LARP4B: variants seen among roughly 807,000 people sequenced by gnomAD.
The protein encoded by LARP4B is la-related protein 4B.
LARP4B carries 12 observed loss-of-function variants against 89.8 expected under a neutral mutation model. The observed-to-expected ratio is 0.13, with a 90% CI of 0.09 to 0.22. The LOEUF (loss-of-function observed/expected upper bound fraction) is 0.22. Among genes scored for constraint, LARP4B ranks in the 10% least tolerant of loss-of-function variants. LARP4B has a pLI of 1.00. For missense variants in LARP4B, 757 were observed against 947.7 expected (o/e 0.80, Z 2.64); for synonymous variants, 367 against 363.3 (o/e 1.01, Z -0.12).
At chr10:912,296 G>GAGAAA (rs1836687826) in intron 1 of LARP4B, among the ~76,000 whole-genome samples, 1 of 147,766 alleles carries the variant, frequency 6.8e-6, no homozygotes, top group African/African-American at 2.5e-5. Context: ...AAAAGAGAGA[G>GAGAAA]AGAAAAGAAA....
chr10:863,430 CGT>C (rs1342127746), intron 5 of LARP4B, among the ~76,000 whole-genome samples: 2 of 151,876 alleles, frequency 1.3e-5, no homozygotes, highest in African/African-American at 4.8e-5. Flanking sequence ...GGGGTTTTAC[CGT>C]GTTAGCCAGG....
At chr10:969,685 C>T in the LARP4B span, among the ~76,000 whole-genome samples, 199 of 151,986 alleles carry the variant, frequency 1.3e-3, no homozygotes, top group African/African-American at 4.6e-3. Context: ...GCCAAGATTG[C>T]GTCATTGCAC....
chr10:861,244 T>C (rs1834601527), intron 5 of LARP4B, among the ~76,000 whole-genome samples: 1 of 152,100 alleles, frequency 6.6e-6, no homozygotes, highest in Non-Finnish European at 1.5e-5. Context: ...GTGATCTTGA[T>C]TGTGCTGAGG....
the LARP4B span, among the ~76,000 whole-genome samples, chr10:960,439 G>A: frequency 3.1e-3 from 470 of 152,182 alleles, 4 homozygotes; most frequent in African/African-American, 0.01. Context: ...GGGTATGGTG[G>A]CTCACTCCTG....
At chr10:921,295 G>A (rs1836971188) in intron 1 of LARP4B, among the ~76,000 whole-genome samples, 1 of 151,670 alleles carries the variant, frequency 6.6e-6, no homozygotes, top group South Asian at 2.1e-4. Context: ...GAAAAAGAAA[G>A]AAAGAAAACT....
intron 1 of LARP4B, among the ~76,000 whole-genome samples, chr10:919,983 AC>A (rs1246329539): frequency 6.6e-6 from 1 of 152,232 alleles, no homozygotes; most frequent in Non-Finnish European, 1.5e-5. Context: ...ATGACAAAAC[AC>A]TTAATTTTCC....
At chr10:948,002 G>A in the LARP4B span, among the ~76,000 whole-genome samples, 1 of 152,026 alleles carries the variant, frequency 6.6e-6, no homozygotes, top group African/African-American at 2.4e-5. Flanking sequence ...CAGTGTGATA[G>A]TGGACCTGAG....
chr10:963,571 T>C, the LARP4B span, among the ~76,000 whole-genome samples: 1 of 152,240 alleles, frequency 6.6e-6, no homozygotes, highest in Non-Finnish European at 1.5e-5. Context: ...GAATGGGTTA[T>C]GGTCCCCATC....
chr10:964,813 C>G, the LARP4B span, among the ~76,000 whole-genome samples: 1 of 152,168 alleles, frequency 6.6e-6, no homozygotes, highest in Non-Finnish European at 1.5e-5. Context: ...GGGACCTCAC[C>G]AGCTGTGTGT....
At chr10:829,283 G>C in intron 11 of LARP4B, 102 bp downstream of exon 11, 4 of 966,756 alleles carry the variant, frequency 4.1e-6, no homozygotes, top group Non-Finnish European at 6.1e-6. Context: ...TAGTATGTCA[G>C]ACTGCACACA....
At chr10:918,632 CAAAAAAAAAA>C (rs57396015) in intron 1 of LARP4B, among the ~76,000 whole-genome samples, 1 of 48,370 alleles carries the variant, frequency 2.1e-5, no homozygotes, top group South Asian at 8.0e-4. Context: ...GACCCTGTCT[CAAAAAAAAAA>C]AAAAAAAAAA....
chr10:974,053 T>C, the LARP4B span, among the ~76,000 whole-genome samples: 151,420 of 152,280 alleles, frequency 0.99, 75,291 homozygotes, highest in Middle Eastern at 1. Context: ...AACAGCTCCC[T>C]GTGTCCCAAA....
chr10:873,025 T>C (rs1398818499), intron 3 of LARP4B: 54 of 985,260 alleles, frequency 5.5e-5, no homozygotes, highest in Non-Finnish European at 6.5e-5. Context: ...TATCAAATAA[T>C]GAAGACAAAG....
chr10:962,881 C>T, the LARP4B span, among the ~76,000 whole-genome samples: 1 of 152,110 alleles, frequency 6.6e-6, no homozygotes, highest in Admixed American at 6.6e-5. Flanking sequence ...CACCGGAACT[C>T]ACTCCAGAGG....
chr10:837,963 TAGAG>T lies in LARP4B; in HGVS notation c.647-1461_647-1458del, dbSNP rs543795154. ...ACAAAAAAAAAAACAGCTGTACACT[TAGAG>T]AGCATATTTGTAAATCACGTGTAAT... On this transcript the variant is annotated intron_variant, in intron 7 of 17. Transcript: ENST00000316157. Among the ~76,000 whole-genome samples the T allele has an allele frequency of 1.7e-3, 256 of 152,064 alleles. 3 individuals carry two copies. Among genetic ancestry groups the T allele is most frequent in the African/African-American group, 5.8e-3 (240 of 41,468 alleles).
rs1833163358 is a variant in LARP4B at position 835,512 on chromosome 10, A to C, written c.750+891T>G. On this transcript the variant is annotated intron_variant, in intron 8 of 17. Coordinates refer to ENST00000316157, the MANE Select transcript of LARP4B (RefSeq NM_015155.3). ...CCGTTTTCTGAGGTAGGATAAACTA[A>C]GTTGCCAGCACCTTCTACAAAGACT... Among the ~76,000 whole-genome samples, 2 of 152,192 alleles carry C rather than the reference A, an allele frequency of 1.3e-5. 1 individual carries two copies. The highest frequency in any genetic ancestry group is 4.2e-4 in the South Asian group (2 of 4,818).
In LARP4B at chr10:863,900, A is replaced by T; in HGVS notation, c.290-17T>A. The stretch of plus-strand genomic sequence containing the variant: ...CATCCGATCCTACAATTAGGAGTTT[A>T]CCCCAAAAAGGCAGGGTTAGAAGCA... On this transcript the variant is annotated splice_polypyrimidine_tract_variant and intron_variant, in intron 4 of 17. Coordinates refer to ENST00000316157, the MANE Select transcript of LARP4B (RefSeq NM_015155.3). 1 of 1,603,942 alleles carries T rather than the reference A, an allele frequency of 6.2e-7. No individual in the cohort carries two copies. The highest frequency in any genetic ancestry group is 2.2e-5 in the East Asian group (1 of 44,834).
intron 8 of LARP4B, among the ~76,000 whole-genome samples, chr10:836,150 T>G (rs1475415346): frequency 6.6e-6 from 1 of 152,204 alleles, no homozygotes; most frequent in Non-Finnish European, 1.5e-5. Flanking sequence ...AATGTGTTAT[T>G]TTTAATTTCT....
chr10:911,815 T>C (rs1438000731), intron 1 of LARP4B, among the ~76,000 whole-genome samples: 2 of 152,138 alleles, frequency 1.3e-5, no homozygotes, highest in Non-Finnish European at 2.9e-5. Context: ...CGGGATTACT[T>C]TACACTGTGA....
Sources: gnomAD v4.1 joint callset for allele counts (sites outside exome capture counted in the v4.1 genomes callset) on GRCh38, gnomAD v4.1.1 for gene constraint, MANE v1.5 for transcripts, NCBI Gene and HGNC (gene_info 2026-07-23, HGNC 2026-07-21) for gene names.